PTPRT: variants seen among roughly 807,000 people sequenced by gnomAD.
PTPRT encodes receptor-type tyrosine-protein phosphatase T.
A neutral mutation model predicts 176.8 loss-of-function variants in PTPRT; 56 were observed. The ratio of observed to expected loss-of-function variants is 0.32; its 90% CI spans 0.26 to 0.40. The LOEUF is 0.40. PTPRT is among the 10% of genes least tolerant of loss of function. The probability of loss-of-function intolerance (pLI) is 1.00; values close to 1 mark genes in which losing one functional copy is unlikely to be tolerated. For synonymous variants in PTPRT, 783 were observed against 739.0 expected (o/e 1.06, Z -0.96); for missense variants, 1,540 against 1,908.2 (o/e 0.81, Z 3.60).
intron 9 of PTPRT, among the ~76,000 whole-genome samples, chr20:42,444,046 T>G (rs1214809352): frequency 6.6e-6 from 1 of 152,116 alleles, no homozygotes; most frequent in African/African-American, 2.4e-5. Flanking sequence ...GGCTTTCCAT[T>G]CCTTTCAGGA....
chr20:42,619,036 C>T (rs1012208628), intron 7 of PTPRT, among the ~76,000 whole-genome samples: 47 of 151,562 alleles, frequency 3.1e-4, no homozygotes, highest in South Asian at 2.5e-3. Context: ...TTCCTAGTCT[C>T]GATGGTCTTT....
intron 7 of PTPRT, among the ~76,000 whole-genome samples, chr20:42,607,770 G>A (rs1207900592): frequency 6.6e-6 from 1 of 152,168 alleles, no homozygotes; most frequent in Non-Finnish European, 1.5e-5. Context: ...CAGCGGGGGA[G>A]CCTGAATGAG....
intron 6 of PTPRT, among the ~76,000 whole-genome samples, chr20:42,715,329 T>C: frequency 6.6e-6 from 1 of 152,084 alleles, no homozygotes; most frequent in Non-Finnish European, 1.5e-5. Flanking sequence ...AATGAACAGA[T>C]CCCAAGATAA....
At chr20:42,640,864 G>T (rs2074730531) in intron 7 of PTPRT, among the ~76,000 whole-genome samples, 1 of 152,010 alleles carries the variant, frequency 6.6e-6, no homozygotes, top group South Asian at 2.1e-4. Context: ...TTTGAAATGT[G>T]GATTGTTCCT....
At chr20:42,420,759 C>T (rs1407649636) in intron 9 of PTPRT, among the ~76,000 whole-genome samples, 1 of 152,286 alleles carries the variant, frequency 6.6e-6, no homozygotes, top group African/African-American at 2.4e-5. Flanking sequence ...ATTCTGAAAC[C>T]AACCCCTACC....
At chr20:42,295,520 AGTTT>A (rs2057374494) in intron 12 of PTPRT, among the ~76,000 whole-genome samples, 1 of 152,230 alleles carries the variant, frequency 6.6e-6, no homozygotes, top group South Asian at 2.1e-4. Flanking sequence ...GATGGGTAAA[AGTTT>A]AATATGTTTA....
intron 28 of PTPRT, 132 bp downstream of exon 28, chr20:42,085,596 A>G: frequency 7.4e-7 from 1 of 1,353,300 alleles, no homozygotes. Flanking sequence ...CACAGGCATC[A>G]CTTCCTCAAG....
chr20:42,231,488 C>T (rs1437477362), intron 15 of PTPRT, among the ~76,000 whole-genome samples: 1 of 152,206 alleles, frequency 6.6e-6, no homozygotes, highest in Non-Finnish European at 1.5e-5. Flanking sequence ...TAGGGACCAA[C>T]TGGTAATGCC....
intron 1 of PTPRT, among the ~76,000 whole-genome samples, chr20:43,006,179 A>C (rs1984846180): frequency 6.6e-6 from 1 of 152,222 alleles, no homozygotes; most frequent in Non-Finnish European, 1.5e-5. Flanking sequence ...ATTGAGCAAG[A>C]GGATACATTT....
intron 8 of PTPRT, among the ~76,000 whole-genome samples, chr20:42,449,309 T>C (rs1411774184): frequency 6.6e-6 from 1 of 152,192 alleles, no homozygotes; most frequent in Non-Finnish European, 1.5e-5. Flanking sequence ...GTGCAACCTT[T>C]CCTGGGGCTC....
At chr20:42,413,489 AC>A (rs534192535) in intron 9 of PTPRT, among the ~76,000 whole-genome samples, 1,032 of 152,004 alleles carry the variant, frequency 6.8e-3, no homozygotes, top group Admixed American at 0.013. Context: ...AGGCTTAAAA[AC>A]CCCCAGGCCA....
In PTPRT at chr20:42,329,475, A is replaced by G. The variant is rs184500814; in HGVS notation, c.1866-13479T>C. Among the ~76,000 whole-genome samples the G allele has an allele frequency of 2.4e-3, 315 of 133,742 alleles. 1 individual carries two copies. Among genetic ancestry groups the G allele is most frequent in the Admixed American group, 5.2e-3 (70 of 13,510 alleles). The allele number at this position is 133,742 out of a possible 152,430, so 87.7% of individuals were successfully genotyped here. ...CAGTATAAACCAAGAATATAGTGGC[A>G]CACACACACACACACACACACACAC... On this transcript the variant is annotated intron_variant, in intron 11 of 30. Transcript: ENST00000373187.
intron 6 of PTPRT, among the ~76,000 whole-genome samples, chr20:42,728,003 C>G (rs2076405606): frequency 6.6e-6 from 1 of 152,170 alleles, no homozygotes; most frequent in African/African-American, 2.4e-5. Flanking sequence ...CAGAGGCTCT[C>G]TTCCTTCTCA....
rs1008479095 is a variant in PTPRT, at chr20:42,804,098, A to G, written c.215-12632T>C. Among the ~76,000 whole-genome samples the G allele has an allele frequency of 5.2e-4, 79 of 152,278 alleles. 1 individual carries two copies. The highest frequency in any genetic ancestry group is 1.9e-3 in the African/African-American group (77 of 41,548). On this transcript the variant is annotated intron_variant, in intron 2 of 30. Transcript: ENST00000373187. ...GACCCTCTGAGTCCTTGAAGCCACT[A>G]GGATATGTCCATCAACTGAGGCCTC...
At chr20:42,620,078 AC>A (rs1355059053) in intron 7 of PTPRT, among the ~76,000 whole-genome samples, 17 of 147,468 alleles carry the variant, frequency 1.2e-4, no homozygotes, top group African/African-American at 3.1e-4. Context: ...GGTTTTATCT[AC>A]TTTTGGTCTT....
At chr20:43,037,344 T>C (rs543853547) in intron 1 of PTPRT, among the ~76,000 whole-genome samples, 2 of 152,342 alleles carry the variant, frequency 1.3e-5, no homozygotes, top group East Asian at 3.9e-4. Flanking sequence ...TAAATAACCG[T>C]TATTCTAAAA....
At chr20:42,965,612 A>T (rs377472813) in intron 1 of PTPRT, among the ~76,000 whole-genome samples, 25 of 152,180 alleles carry the variant, frequency 1.6e-4, no homozygotes, top group Non-Finnish European at 2.8e-4. Flanking sequence ...ATCACCGTTT[A>T]AAAAAGTCCC....
intron 1 of PTPRT, among the ~76,000 whole-genome samples, chr20:43,026,895 G>C (rs1313284674): frequency 1.3e-5 from 2 of 152,182 alleles, no homozygotes; most frequent in African/African-American, 2.4e-5. Flanking sequence ...TGTTGCAAAT[G>C]ATGGTATCTC....
rs1481382827 is a variant in PTPRT, at chr20:42,503,270, T to A, written c.1154-30708A>T. 2.6e-5 allele frequency among the ~76,000 whole-genome samples: 4 copies of A among 152,218 alleles called. No homozygotes were observed. The South Asian group carries it at 6.2e-4, about 24-fold the overall frequency. On this transcript the variant is annotated intron_variant, in intron 7 of 30. Coordinates refer to ENST00000373187, the MANE Select transcript of PTPRT (RefSeq NM_007050.6). The stretch of plus-strand genomic sequence containing the variant: ...TTTTACCGTAATATGATTGCTTAAA[T>A]CATTAAATATTTGGATATTCTTCAT...
Sources: allele counts gnomAD v4.1 joint callset (sites outside exome capture counted in the v4.1 genomes callset), GRCh38; gene constraint gnomAD v4.1.1; transcripts MANE v1.5; gene names NCBI Gene and HGNC (gene_info 2026-07-23, HGNC 2026-07-21).